The following IL1RAPL1 variants were observed in gnomAD, a reference collection of about 807,000 sequenced individuals.
IL1RAPL1 encodes interleukin 1 receptor accessory protein like 1.
IL1RAPL1 carries 3 observed loss-of-function variants against 48.4 expected under a neutral mutation model. The ratio of observed to expected loss-of-function variants is 0.06; its 90% CI spans 0.03 to 0.16. The LOEUF (loss-of-function observed/expected upper bound fraction) is 0.16, where lower values mean the gene tolerates loss of function less well. IL1RAPL1 is among the 10% of genes least tolerant of loss of function. The pLI is 1.00. For synonymous variants in IL1RAPL1, 185 were observed against 187.7 expected (o/e 0.99, Z 0.12); for missense variants, 349 against 530.6 (o/e 0.66, Z 3.36).
intron 6 of IL1RAPL1, among the ~76,000 whole-genome samples, chrX:29,827,553 G>T (rs1930765203): frequency 8.9e-6 from 1 of 111,822 alleles, no homozygotes; most frequent in Admixed American, 9.5e-5. Flanking sequence ...AAGGTAAGGT[G>T]ACCAGAGAAG....
At chrX:29,114,646 A>C (rs1291212136) in intron 2 of IL1RAPL1, among the ~76,000 whole-genome samples, 1 of 109,501 alleles carries the variant, frequency 9.1e-6, no homozygotes, top group African/African-American at 3.3e-5. Context: ...TGTTTTTTTG[A>C]GACGGAGTTT....
chrX:29,865,936 C>T (rs1323260396), intron 6 of IL1RAPL1, among the ~76,000 whole-genome samples: 2 of 110,021 alleles, frequency 1.8e-5, no homozygotes, highest in African/African-American at 6.6e-5. Context: ...AGGCGTGAGC[C>T]ACTGTGCCCG....
At chrX:29,314,189 T>C (rs1316281977) in intron 3 of IL1RAPL1, among the ~76,000 whole-genome samples, 2 of 112,203 alleles carry the variant, frequency 1.8e-5, no homozygotes, top group East Asian at 5.6e-4. Flanking sequence ...GGGTCTTAGT[T>C]CTCTGAAGAC....
intron 9 of IL1RAPL1, 51 bp downstream of exon 9, chrX:29,941,845 TTGTC>T: frequency 8.8e-7 from 1 of 1,136,830 alleles, no homozygotes; most frequent in Non-Finnish European, 1.2e-6. Flanking sequence ...AATTTCTTTC[TTGTC>T]TTTGTTTTAT....
chrX:29,403,203 C>A (rs1248254483), intron 5 of IL1RAPL1, among the ~76,000 whole-genome samples: 2 of 112,188 alleles, frequency 1.8e-5, no homozygotes, highest in Non-Finnish European at 3.8e-5. Context: ...TGCTCTATAC[C>A]AGTTTGGACT....
intron 1 of IL1RAPL1, among the ~76,000 whole-genome samples, chrX:28,592,426 G>A (rs932018784): frequency 9.0e-6 from 1 of 111,302 alleles, no homozygotes; most frequent in Non-Finnish European, 1.9e-5. Flanking sequence ...AAGTGTAATA[G>A]AGAAAATGAG....
At chrX:28,692,462 C>T (rs887054157) in intron 1 of IL1RAPL1, among the ~76,000 whole-genome samples, 1 of 111,627 alleles carries the variant, frequency 9.0e-6, no homozygotes, top group Non-Finnish European at 1.9e-5. Context: ...TATCTGAACT[C>T]AGTTTCCTTC....
At chrX:28,735,305 G>T (rs1318923878) in intron 1 of IL1RAPL1, among the ~76,000 whole-genome samples, 1 of 109,845 alleles carries the variant, frequency 9.1e-6, no homozygotes, top group Non-Finnish European at 1.9e-5. Context: ...AATCTATAGA[G>T]TATTTTTTTT....
chrX:29,709,218 A>G (rs181128223), intron 6 of IL1RAPL1, among the ~76,000 whole-genome samples: 138 of 111,589 alleles, frequency 1.2e-3, no homozygotes, highest in African/African-American at 4.2e-3. Context: ...CATTGCCCAG[A>G]CTGATGTTGT....
At chrX:29,727,285 C>T (rs1191736281) in intron 6 of IL1RAPL1, among the ~76,000 whole-genome samples, 1 of 112,095 alleles carries the variant, frequency 8.9e-6, no homozygotes, top group African/African-American at 3.2e-5. Flanking sequence ...GGAAATGTTA[C>T]TTTCAGCATA....
chrX:29,407,236 T>C (rs5929002), intron 5 of IL1RAPL1, among the ~76,000 whole-genome samples: 43,024 of 110,373 alleles, frequency 0.39, 6,781 homozygotes, highest in Middle Eastern at 0.54. Flanking sequence ...ATAAACCCCT[T>C]CCTCTCCACT....
intron 5 of IL1RAPL1, among the ~76,000 whole-genome samples, chrX:29,469,010 C>T (rs1199958836): frequency 2.7e-5 from 3 of 111,492 alleles, no homozygotes; most frequent in African/African-American, 6.5e-5. Flanking sequence ...AAAAAAATAA[C>T]GGGAAGTCTG....
At chrX:29,376,268 C>T (rs974905899) in intron 3 of IL1RAPL1, among the ~76,000 whole-genome samples, 6 of 111,422 alleles carry the variant, frequency 5.4e-5, no homozygotes, top group African/African-American at 1.3e-4. Context: ...AAGATATATC[C>T]CGATTTTCAT....
chrX:29,953,966 T>A (rs1933364438), intron 9 of IL1RAPL1, among the ~76,000 whole-genome samples: 1 of 110,521 alleles, frequency 9.0e-6, no homozygotes, highest in Non-Finnish European at 1.9e-5. Context: ...CTGGGTGCGG[T>A]GGCTCACGCC....
At chrX:28,985,687 T>C (rs1236434631) in intron 2 of IL1RAPL1, among the ~76,000 whole-genome samples, 3 of 92,589 alleles carry the variant, frequency 3.2e-5, no homozygotes, top group Non-Finnish European at 6.3e-5. Flanking sequence ...TGAGACGGAG[T>C]CTCGCTCTGT....
chrX:29,321,617 A>G (rs1932804566), intron 3 of IL1RAPL1, among the ~76,000 whole-genome samples: 1 of 112,089 alleles, frequency 8.9e-6, no homozygotes, highest in African/African-American at 3.2e-5. Context: ...TAGAATTATC[A>G]AAAGGAGGTT....
chrX:29,420,410 A>G (rs753512758), intron 5 of IL1RAPL1, among the ~76,000 whole-genome samples: 3 of 112,626 alleles, frequency 2.7e-5, no homozygotes, highest in South Asian at 3.6e-4. Context: ...TCCATCTGCT[A>G]TGCACTTACC....
At chrX:29,366,638 G>A (rs747736719) in intron 3 of IL1RAPL1, among the ~76,000 whole-genome samples, 1 of 90,362 alleles carries the variant, frequency 1.1e-5, no homozygotes, top group Admixed American at 1.5e-4. Flanking sequence ...GCGCGATCTC[G>A]GCTCACTGCA....
chrX:29,114,210 GT>G (rs1427880304), intron 2 of IL1RAPL1, among the ~76,000 whole-genome samples: 3 of 111,874 alleles, frequency 2.7e-5, no homozygotes, highest in Admixed American at 9.5e-5. Context: ...TTTTTCAAAA[GT>G]ATAGTAGAAC....
Sources: gnomAD v4.1 joint callset for allele counts (sites outside exome capture counted in the v4.1 genomes callset) on GRCh38, gnomAD v4.1.1 for gene constraint, MANE v1.5 for transcripts, NCBI Gene and HGNC (gene_info 2026-07-23, HGNC 2026-07-21) for gene names.